The following RPS6KB1 variants were observed in gnomAD, a reference collection of about 807,000 sequenced individuals.
The protein encoded by RPS6KB1 is ribosomal protein S6 kinase B1.
RPS6KB1 carries 12 observed loss-of-function variants against 70.2 expected under a neutral mutation model. The observed-to-expected ratio is 0.17, with a 90% CI of 0.11 to 0.28. The LOEUF (loss-of-function observed/expected upper bound fraction) is 0.28. Among genes scored for constraint, RPS6KB1 ranks in the 10% least tolerant of loss-of-function variants. The probability of loss-of-function intolerance (pLI) is 1.00; values close to 1 mark genes in which losing one functional copy is unlikely to be tolerated. For synonymous variants in RPS6KB1, 175 were observed against 211.2 expected, an observed-to-expected ratio of 0.83 and a Z score of 1.49; for missense variants, 270 against 646.6, an observed-to-expected ratio of 0.42 and a Z score of 6.32.
intron 4 of RPS6KB1, among the ~76,000 whole-genome samples, chr17:59,923,761 G>T (rs750694386): frequency 6.6e-6 from 1 of 152,024 alleles, no homozygotes; most frequent in Non-Finnish European, 1.5e-5. Flanking sequence ...ACCTGCCTCG[G>T]CCTCCCAAAG....
Position 59,945,494 on chromosome 17 carries a change from T to G in RPS6KB1, c.1316T>G (p.Ile439Ser). The change falls in exon 14 of 15, where the codon ATT (isoleucine) becomes AGT (serine). Residue 439 changes from isoleucine to serine, a missense_variant. Ile to Ser is a moderately radical substitution (Grantham distance 142). Coordinates refer to ENST00000225577, the MANE Select transcript of RPS6KB1 (RefSeq NM_003161.4). ...EPKIRSPRRF[I>S]GSPRTPVSPV... Reference sequence around the variant, plus strand: ...AAAATCCGATCACCTCGAAGATTTATTGGCAGCCCACGAACACCTGTCAGG... The same window carrying G: ...AAAATCCGATCACCTCGAAGATTTAGTGGCAGCCCACGAACACCTGTCAGG... The G allele has an allele frequency of 6.2e-7, 1 of 1,608,730 alleles. No homozygotes were observed.
chr17:59,907,132 C>T (rs2645461), intron 1 of RPS6KB1: 84,776 of 150,564 alleles, frequency 0.56, 25,797 homozygotes, highest in African/African-American at 0.82. Context: ...GCCTCCCGAG[C>T]AGCTGGGACT....
At chr17:59,916,579 CTATCAG>C (rs1271000343) in intron 4 of RPS6KB1, among the ~76,000 whole-genome samples, 3 of 152,204 alleles carry the variant, frequency 2.0e-5, no homozygotes, top group Non-Finnish European at 4.4e-5. Context: ...ATAAGATAAT[CTATCAG>C]TTCCATTTAT....
chr17:59,938,422 T>A lies in RPS6KB1; in HGVS notation c.1119+1881T>A, dbSNP rs563898995. 2.0e-5 allele frequency among the ~76,000 whole-genome samples: 3 copies of A among 151,992 alleles called. No individual in the cohort carries two copies. The East Asian group carries it at 5.8e-4, about 29-fold the overall frequency. On this transcript the variant is annotated intron_variant, in intron 12 of 14. Transcript: ENST00000225577. Reference sequence around the variant, plus strand: ...TTCCATTTTTTTTTTCTCCTGTTTGTAAGGATTTAATCAAGGTCTGTATAT... The same window carrying A: ...TTCCATTTTTTTTTTCTCCTGTTTGAAAGGATTTAATCAAGGTCTGTATAT...
At chr17:59,922,289 C>T (rs2043312147) in intron 4 of RPS6KB1, among the ~76,000 whole-genome samples, 1 of 151,994 alleles carries the variant, frequency 6.6e-6, no homozygotes, top group Non-Finnish European at 1.5e-5. Flanking sequence ...GAGCCGCTCT[C>T]CTCGGCCTCC....
Position 59,910,593 on chromosome 17 carries a change from G to T in RPS6KB1, c.173G>T (p.Gly58Val). The change falls in exon 2 of 15, where the codon GGA becomes GTA. Residue 58 changes from glycine (G) to valine (V), a missense_variant. Coordinates refer to ENST00000225577, the MANE Select transcript of RPS6KB1 (RefSeq NM_003161.4). The stretch of plus-strand genomic sequence containing the variant: ...TTAAATGAAAGCATGGACCATGGGG[G>T]AGTTGGACCATATGAACTGTAAGTT... ...GQLNESMDHG[G>V]VGPYELGMEH... 1 of 1,592,102 alleles carries T rather than the reference G, an allele frequency of 6.3e-7. No homozygotes were observed. Among genetic ancestry groups the T allele is most frequent in the Non-Finnish European group, 8.6e-7 (1 of 1,166,924 alleles).
In RPS6KB1 at chr17:59,922,895, T is replaced by C. The variant is rs1216721863; in HGVS notation, c.382-3540T>C. On this transcript the variant is annotated intron_variant, in intron 4 of 14. Transcript: ENST00000225577. ...TTGTTTTTTTTTTTTGAGATGGAGG[T>C]TCACTCTGGTGCCCAGGCTGGAGTG... Among the ~76,000 whole-genome samples, 2 of 145,676 alleles carry C rather than the reference T, an allele frequency of 1.4e-5. 1 individual carries two copies. Among genetic ancestry groups the C allele is most frequent in the South Asian group, 4.4e-4 (2 of 4,580 alleles).
intron 1 of RPS6KB1, among the ~76,000 whole-genome samples, chr17:59,900,220 ACACAC>A (rs1568377439): frequency 5.1e-5 from 7 of 136,764 alleles, no homozygotes; most frequent in African/African-American, 1.8e-4. Flanking sequence ...ACACACACAC[ACACAC>A]ACACACCCCT....
intron 13 of RPS6KB1, among the ~76,000 whole-genome samples, chr17:59,941,703 A>G (rs1185797853): frequency 6.8e-6 from 1 of 147,284 alleles, no homozygotes; most frequent in African/African-American, 2.5e-5. Context: ...GCGCGATCTC[A>G]GCTCACTGCA....
At chr17:59,938,957 C>G (rs1216533593) in intron 12 of RPS6KB1, among the ~76,000 whole-genome samples, 1 of 152,090 alleles carries the variant, frequency 6.6e-6, no homozygotes, top group Non-Finnish European at 1.5e-5. Context: ...GAAACTCTGG[C>G]CTACTTTTAT....
chr17:59,946,768 C>G lies in RPS6KB1; in HGVS notation c.1558C>G (p.His520Asp). 1 of 1,614,082 alleles carries G rather than the reference C, an allele frequency of 6.2e-7. No homozygotes were observed. Among genetic ancestry groups the G allele is most frequent in the Non-Finnish European group, 8.5e-7 (1 of 1,179,988 alleles). ...AFPMISKRPE[H>D]LRMNL The stretch of plus-strand genomic sequence containing the variant: ...TCCCATGATCTCCAAACGGCCAGAG[C>G]ACCTGCGTATGAATCTATGACAGAG... Residue 520 changes from histidine to aspartate, a missense_variant, in exon 15 of 15, where the codon CAC becomes GAC. By Grantham distance (81) the His-to-Asp change is moderately conservative. Around this residue, in one of 4 missense-constraint regions of RPS6KB1, gnomAD observed 133 missense variants for 314.7 expected, o/e 0.42. Transcript: ENST00000225577. The surrounding 1 kb of genome is among the most constrained non-coding windows in gnomAD (Gnocchi z 4.2).
intron 12 of RPS6KB1, among the ~76,000 whole-genome samples, chr17:59,940,312 ACT>A (rs1166355735): frequency 1.7e-5 from 2 of 118,770 alleles, no homozygotes; most frequent in East Asian, 4.8e-4. Context: ...ATTGAGACAG[ACT>A]CTCGCACTGT....
chr17:59,919,324 A>C (rs936664955), intron 4 of RPS6KB1, among the ~76,000 whole-genome samples: 5 of 152,140 alleles, frequency 3.3e-5, no homozygotes, highest in African/African-American at 7.2e-5. Flanking sequence ...CAGGAGTTCA[A>C]AACCAGCCTG....
Position 59,945,212 on chromosome 17 carries a change from C to T in RPS6KB1, c.1228-194C>T, listed in dbSNP as rs113938050. On this transcript the variant is annotated intron_variant, in intron 13 of 14. Transcript: ENST00000225577. ...ATCAGGCTCAATGGAATTCTGCTTT[C>T]TTGAAGTGTGTGCCTCACGAAATGG... is the stretch of plus-strand genomic sequence containing the variant. 89 of 448,006 alleles carry T rather than the reference C, an allele frequency of 2.0e-4. 1 individual carries two copies. The highest frequency in any genetic ancestry group is 1.6e-3 in the African/African-American group (80 of 50,166). The allele number at this position is 448,006 out of a possible 1,614,324, so 27.8% of individuals were successfully genotyped here. A position where few individuals can be genotyped will look rare whatever the true frequency, so the allele number is the denominator to read the frequency against.
chr17:59,940,642 G>A (rs1568499860), intron 12 of RPS6KB1, among the ~76,000 whole-genome samples, 194 bp from the exon 13 acceptor site: 2 of 152,000 alleles, frequency 1.3e-5, no homozygotes, highest in African/African-American at 2.4e-5. Flanking sequence ...TTTAGTGCAT[G>A]TTTAAGATTT....
intron 1 of RPS6KB1, among the ~76,000 whole-genome samples, chr17:59,901,960 C>T (rs1006750771): frequency 1.4e-5 from 2 of 146,204 alleles, no homozygotes; most frequent in Non-Finnish European, 3.0e-5. Context: ...TTGAGTTTGC[C>T]GTGATCCTGC....
At chr17:59,917,662 TC>T (rs1210088786) in intron 4 of RPS6KB1, among the ~76,000 whole-genome samples, 1 of 152,212 alleles carries the variant, frequency 6.6e-6, no homozygotes, top group Non-Finnish European at 1.5e-5. Flanking sequence ...GGCCTGGAAC[TC>T]CTGGCCTCAA....
intron 4 of RPS6KB1, among the ~76,000 whole-genome samples, chr17:59,918,212 G>A (rs1451359337): frequency 1.3e-5 from 2 of 151,876 alleles, no homozygotes; most frequent in African/African-American, 2.4e-5. Context: ...GATTACAGGC[G>A]TAAGCCACTG....
At chr17:59,897,792 C>T (rs899946918) in intron 1 of RPS6KB1, among the ~76,000 whole-genome samples, 2 of 151,968 alleles carry the variant, frequency 1.3e-5, no homozygotes, top group African/African-American at 4.8e-5. Flanking sequence ...TGGTGAAACC[C>T]AGTTTCTACT....
Sources: gnomAD v4.1 joint callset for allele counts (sites outside exome capture counted in the v4.1 genomes callset) on GRCh38, gnomAD v4.1.1 for gene constraint, gnomAD v4.1.1 regional missense constraint, Gnocchi (gnomAD v3.1) non-coding constraint, MANE v1.5 for transcripts, NCBI Gene and HGNC (gene_info 2026-07-23, HGNC 2026-07-21) for gene names.